The following CLSTN2 variants were observed in gnomAD, a reference collection of about 807,000 sequenced individuals.
The protein encoded by CLSTN2 is calsyntenin-2.
A neutral mutation model predicts 101.2 loss-of-function variants in CLSTN2; 48 were observed. The ratio of observed to expected loss-of-function variants is 0.47; its 90% CI spans 0.38 to 0.60. The LOEUF is 0.60. Ranked by LOEUF, CLSTN2 falls within the 20% of genes least tolerant of loss-of-function variation. The pLI is 0.00. For synonymous variants in CLSTN2, 481 were observed against 463.6 expected, an observed-to-expected ratio of 1.04 and a Z score of -0.48; for missense variants, 1,160 against 1,238.2, an observed-to-expected ratio of 0.94 and a Z score of 0.95.
intron 9 of CLSTN2, 143 bp from the exon 10 acceptor site, chr3:140,546,372 A>T: frequency 2.7e-6 from 2 of 741,574 alleles, no homozygotes; most frequent in Non-Finnish European, 4.4e-6. Context: ...GATTCTGGCT[A>T]CTGTGTTCAT....
intron 8 of CLSTN2, among the ~76,000 whole-genome samples, chr3:140,473,947 GT>G (rs1012960646): frequency 1.3e-4 from 19 of 151,588 alleles, no homozygotes; most frequent in Admixed American, 2.6e-4. Context: ...TGTTTGTTTG[GT>G]TTTTTTTAGT....
chr3:140,342,638 A>G (rs927099314), intron 2 of CLSTN2, among the ~76,000 whole-genome samples: 1 of 152,294 alleles, frequency 6.6e-6, no homozygotes, highest in African/African-American at 2.4e-5. Context: ...TGTGGACTTT[A>G]GAAGAAACAC....
intron 2 of CLSTN2, among the ~76,000 whole-genome samples, chr3:140,318,731 C>T (rs557215695): frequency 1.2e-3 from 190 of 152,326 alleles, no homozygotes; most frequent in Middle Eastern, 6.8e-3. Context: ...AGCCACCAGT[C>T]TGTGCTGGGA....
chr3:140,448,553 C>T lies in CLSTN2; in HGVS notation c.822C>T (p.Ser274=), dbSNP rs143908906. 2,887 of 1,614,008 alleles carry T rather than the reference C, an allele frequency of 1.8e-3. 10 individuals carry two copies. Among genetic ancestry groups the T allele is most frequent in the Non-Finnish European group, 2.0e-3 (2,383 of 1,179,970 alleles). The change falls in exon 6 of 17, where the codon TCC becomes TCT. Residue 274 remains serine (S), a synonymous_variant. Coordinates refer to ENST00000458420, the MANE Select transcript of CLSTN2 (RefSeq NM_022131.3). ...AGAGGATTGAGTACCAGCCTGGCTCCGGGAGCATGCCCCTGTTCCCCAGCA... is the reference window on the plus strand; with the variant it reads ...AGAGGATTGAGTACCAGCCTGGCTCTGGGAGCATGCCCCTGTTCCCCAGCA... The part of the protein sequence containing the change: ...WTKRIEYQPG[S]GSMPLFPSIH...
At chr3:140,564,171 T>C (rs1161771027) in intron 16 of CLSTN2, 26 bp downstream of exon 16, 2 of 1,608,374 alleles carry the variant, frequency 1.2e-6, no homozygotes, top group Non-Finnish European at 1.7e-6. Flanking sequence ...GGCTGGGAGT[T>C]CTGGGTGGGG....
chr3:140,529,062 C>A (rs1292779288), intron 8 of CLSTN2, among the ~76,000 whole-genome samples: 2 of 152,178 alleles, frequency 1.3e-5, no homozygotes, highest in Non-Finnish European at 2.9e-5. Flanking sequence ...CCAATTTGGC[C>A]ACTTATATAA....
intron 1 of CLSTN2, among the ~76,000 whole-genome samples, chr3:140,112,923 T>C (rs2009179780): frequency 6.6e-6 from 1 of 152,156 alleles, no homozygotes; most frequent in African/African-American, 2.4e-5. Context: ...CAAACTGAAG[T>C]GCAAATGCTT....
At chr3:140,029,578 A>G (rs2007503840) in intron 1 of CLSTN2, among the ~76,000 whole-genome samples, 1 of 152,118 alleles carries the variant, frequency 6.6e-6, no homozygotes, top group Non-Finnish European at 1.5e-5. Context: ...ATCTTCCCCA[A>G]ACAGTTTGAC....
At chr3:140,174,091 C>A (rs1341616488) in intron 1 of CLSTN2, among the ~76,000 whole-genome samples, 1 of 152,194 alleles carries the variant, frequency 6.6e-6, no homozygotes, top group Non-Finnish European at 1.5e-5. Context: ...CTTATCTGCT[C>A]TGTTTCCCTT....
At chr3:140,154,646 T>TA (rs1208306679) in intron 1 of CLSTN2, among the ~76,000 whole-genome samples, 3 of 136,686 alleles carry the variant, frequency 2.2e-5, no homozygotes, top group African/African-American at 8.5e-5. Context: ...TCACCCTTTT[T>TA]TTTTTTTTTT....
chr3:139,986,583 C>T (rs1936024358), intron 1 of CLSTN2, among the ~76,000 whole-genome samples: 2 of 152,156 alleles, frequency 1.3e-5, no homozygotes, highest in Admixed American at 6.5e-5. Context: ...CTCTGGTTTC[C>T]GTTCTCCTTC....
At chr3:140,470,510 A>G (rs1404699712) in intron 8 of CLSTN2, among the ~76,000 whole-genome samples, 3 of 152,192 alleles carry the variant, frequency 2.0e-5, no homozygotes, top group Non-Finnish European at 4.4e-5. Flanking sequence ...GTGAGCTCTC[A>G]GTGTGGTGGG....
chr3:140,520,578 G>T (rs1195113655), intron 8 of CLSTN2, among the ~76,000 whole-genome samples: 2 of 152,182 alleles, frequency 1.3e-5, no homozygotes, highest in Admixed American at 6.5e-5. Context: ...GACATGTGGG[G>T]ATTATCGGGA....
intron 11 of CLSTN2, chr3:140,556,878 C>CTCTA (rs1576625848): frequency 3.6e-6 from 2 of 549,276 alleles, no homozygotes; most frequent in Non-Finnish European, 6.5e-6. Context: ...ATCCACCTTT[C>CTCTA]TCTATCTTGT....
Position 140,037,748 on chromosome 3 carries a change from C to T in CLSTN2, c.109+102265C>T, listed in dbSNP as rs552732673. ...ATGTGTGTTGTTCCCCCCATGTGTT[C>T]ATGAGTTCTCATCATTCAGCTCCCA... On this transcript the variant is annotated intron_variant, in intron 1 of 16. Coordinates refer to ENST00000458420, the MANE Select transcript of CLSTN2 (RefSeq NM_022131.3). Among the ~76,000 whole-genome samples, 21 of 152,210 alleles carry T rather than the reference C, an allele frequency of 1.4e-4. No homozygotes were observed. In the South Asian group the frequency reaches 3.9e-3, roughly 29 times the overall value.
intron 10 of CLSTN2, among the ~76,000 whole-genome samples, chr3:140,552,212 C>A (rs945193094): frequency 6.6e-6 from 1 of 152,094 alleles, no homozygotes; most frequent in African/African-American, 2.4e-5. Flanking sequence ...CAAGGGCTAT[C>A]TGTCTAGCAC....
chr3:140,565,339 A>AAGGGG (rs1278910789), intron 16 of CLSTN2, among the ~76,000 whole-genome samples: 2 of 152,220 alleles, frequency 1.3e-5, no homozygotes, highest in Non-Finnish European at 2.9e-5. Context: ...TAAGAAGTGT[A>AAGGGG]AGGGGAGGGG....
chr3:140,072,497 G>A (rs1046383866), intron 1 of CLSTN2, among the ~76,000 whole-genome samples: 7 of 152,130 alleles, frequency 4.6e-5, no homozygotes, highest in Non-Finnish European at 4.4e-5. Context: ...TATGTTTTCT[G>A]TTTAAAGTGT....
chr3:140,298,231 A>G (rs1484778392), intron 2 of CLSTN2, among the ~76,000 whole-genome samples: 1 of 152,228 alleles, frequency 6.6e-6, no homozygotes, highest in Non-Finnish European at 1.5e-5. Flanking sequence ...ATCACTTAAT[A>G]TGTGTAAACC....
Sources: gnomAD v4.1 joint callset for allele counts (sites outside exome capture counted in the v4.1 genomes callset) on GRCh38, gnomAD v4.1.1 for gene constraint, MANE v1.5 for transcripts, NCBI Gene and HGNC (gene_info 2026-07-23, HGNC 2026-07-21) for gene names.